The following NEK7 variants were observed in gnomAD, a reference collection of about 807,000 sequenced individuals.
NEK7 encodes NIMA related kinase 7.
NEK7 carries 18 observed loss-of-function variants against 44.6 expected under a neutral mutation model. That is an observed-to-expected ratio of 0.40 (90% CI 0.28 to 0.60). The LOEUF (loss-of-function observed/expected upper bound fraction) is 0.60, where lower values mean the gene tolerates loss of function less well. Ranked by LOEUF, NEK7 falls within the 20% of genes least tolerant of loss-of-function variation. The pLI, the probability that NEK7 is intolerant of heterozygous loss-of-function variation, is 0.38. For missense variants in NEK7, 256 were observed against 366.5 expected (o/e 0.70, Z 2.46); for synonymous variants, 130 against 121.1 (o/e 1.07, Z -0.48).
Position 198,319,545 on chromosome 1 carries a change from TA to T in NEK7, c.*25del. 6.3e-7 allele frequency: 1 copy of T among 1,579,502 alleles called. No homozygotes were observed. Among genetic ancestry groups the T allele is most frequent in the Middle Eastern group, 1.7e-4 (1 of 5,904 alleles). On this transcript the variant is annotated 3_prime_UTR_variant, in exon 10 of 10. Transcript: ENST00000367385. ...TAAACATGCAAGATCATGAAGAGTG[TA>T]ACCAAAGTAATTGAAAGTATTTTGT...
At chr1:198,186,198 T>C (rs1347578994) in intron 1 of NEK7, among the ~76,000 whole-genome samples, 1 of 152,240 alleles carries the variant, frequency 6.6e-6, no homozygotes, top group Non-Finnish European at 1.5e-5. Flanking sequence ...CTTTAGCTAC[T>C]GAAATATTTC....
intron 2 of NEK7, among the ~76,000 whole-genome samples, chr1:198,249,426 A>G (rs936225648): frequency 3.0e-4 from 46 of 151,742 alleles, no homozygotes; most frequent in African/African-American, 1.1e-3. Flanking sequence ...TGGCTGGGTC[A>G]AATGGTATTT....
rs543354590 is a variant in NEK7, at chr1:198,321,450, G to A, written c.*1928G>A. On this transcript the variant is annotated 3_prime_UTR_variant, in exon 10 of 10. Transcript: ENST00000367385. ...CATTTTAATGTAATATAATTGAGAT[G>A]AAATGTTCTCTGGTTGGAACAGATA... 6.6e-5 allele frequency: 10 copies of A among 152,198 alleles called. No homozygotes were observed. The South Asian group carries it at 2.1e-3, about 32-fold the overall frequency. 9.4% of individuals were successfully genotyped at this position (152,198 alleles called of 1,614,324 possible).
chr1:198,230,612 G>A (rs185399111), intron 1 of NEK7, among the ~76,000 whole-genome samples: 1 of 151,860 alleles, frequency 6.6e-6, no homozygotes, highest in Non-Finnish European at 1.5e-5. Flanking sequence ...CTAAGATTAG[G>A]AAAAAGGAAA....
At chr1:198,309,696 T>G (rs1199178698) in intron 9 of NEK7, among the ~76,000 whole-genome samples, 10 of 151,940 alleles carry the variant, frequency 6.6e-5, no homozygotes, top group Admixed American at 2.6e-4. Flanking sequence ...ATGCGGTGTT[T>G]GGTTTTTTGT....
Position 198,210,741 on chromosome 1 carries a change from C to CTTTTTTTTTTTTTTTTT in NEK7, c.-28-21799_-28-21783dup, listed in dbSNP as rs140181207. The stretch of plus-strand genomic sequence containing the variant: ...GTCATTGTCCCTTCAATTTGTATTT[C>CTTTTTTTTTTTTTTTTT]TTTTTTTTTTTTTTTTTTTTTTTTT... On this transcript the variant is annotated intron_variant, in intron 1 of 9. Transcript: ENST00000367385. 1.7e-4 allele frequency among the ~76,000 whole-genome samples: 10 copies of CTTTTTTTTTTTTTTTTT among 57,536 alleles called. 1 individual carries two copies. The highest frequency in any genetic ancestry group is 2.1e-4 in the Admixed American group (1 of 4,692). The allele number at this position is 57,536 out of a possible 152,430, so 37.7% of individuals were successfully genotyped here. A position where few individuals can be genotyped will look rare whatever the true frequency, so the allele number is the denominator to read the frequency against.
intron 2 of NEK7, among the ~76,000 whole-genome samples, chr1:198,240,135 A>G (rs1207926636): frequency 6.6e-6 from 1 of 152,230 alleles, no homozygotes; most frequent in Admixed American, 6.5e-5. Context: ...CAGTTATTCT[A>G]GAGTTATTTT....
chr1:198,259,322 C>T (rs973964054), intron 3 of NEK7, among the ~76,000 whole-genome samples: 2 of 152,064 alleles, frequency 1.3e-5, no homozygotes, highest in Admixed American at 6.6e-5. Flanking sequence ...TGTTCCACAT[C>T]ATAGAGACAT....
At chr1:198,304,939 CA>C in intron 9 of NEK7, among the ~76,000 whole-genome samples, 1 of 152,200 alleles carries the variant, frequency 6.6e-6, no homozygotes, top group African/African-American at 2.4e-5. Context: ...CTGAATTAAA[CA>C]GTTTTCTCTG....
At chr1:198,199,193 A>T (rs1360050430) in intron 1 of NEK7, among the ~76,000 whole-genome samples, 2 of 152,264 alleles carry the variant, frequency 1.3e-5, no homozygotes, top group Non-Finnish European at 2.9e-5. Context: ...CAAGATGGAT[A>T]GAAGAACCTG....
intron 5 of NEK7, among the ~76,000 whole-genome samples, chr1:198,267,469 A>T (rs977055167): frequency 2.6e-5 from 4 of 151,954 alleles, no homozygotes; most frequent in African/African-American, 9.7e-5. Context: ...TTTGAGATGG[A>T]ATCTCACTCT....
At chr1:198,255,256 C>A (rs774821981) in intron 3 of NEK7, among the ~76,000 whole-genome samples, 3 of 152,186 alleles carry the variant, frequency 2.0e-5, no homozygotes, top group South Asian at 2.1e-4. Flanking sequence ...TCTTCAAAAT[C>A]CATTATTTTC....
chr1:198,200,628 G>A (rs1043841442), intron 1 of NEK7, among the ~76,000 whole-genome samples: 1 of 150,104 alleles, frequency 6.7e-6, no homozygotes, highest in East Asian at 1.9e-4. Context: ...TTGGCTAACT[G>A]CAACCTCTGC....
intron 1 of NEK7, among the ~76,000 whole-genome samples, chr1:198,226,574 A>G (rs745638369): frequency 7.3e-5 from 11 of 151,614 alleles, no homozygotes; most frequent in Non-Finnish European, 2.9e-5. Flanking sequence ...TACACATGGA[A>G]TTATGTTAAA....
intron 9 of NEK7, among the ~76,000 whole-genome samples, chr1:198,301,640 G>A (rs1654888812): frequency 6.6e-6 from 1 of 152,192 alleles, no homozygotes; most frequent in African/African-American, 2.4e-5. Context: ...TTGAGTACAG[G>A]GTTTGCAGAT....
intron 2 of NEK7, among the ~76,000 whole-genome samples, chr1:198,245,605 A>C (rs1052793795): frequency 1.3e-5 from 2 of 152,208 alleles, no homozygotes; most frequent in Admixed American, 6.5e-5. Flanking sequence ...CTTGGGAAAT[A>C]CATGGTGCAG....
intron 9 of NEK7, among the ~76,000 whole-genome samples, chr1:198,316,671 T>A (rs1655379436): frequency 6.6e-6 from 1 of 152,224 alleles, no homozygotes; most frequent in Non-Finnish European, 1.5e-5. Flanking sequence ...TCCGCTAGAT[T>A]GTAGGCTGTT....
chr1:198,271,031 T>C (rs956086857), intron 5 of NEK7, among the ~76,000 whole-genome samples: 3 of 152,022 alleles, frequency 2.0e-5, no homozygotes, highest in African/African-American at 7.2e-5. Context: ...GGGGGTATCC[T>C]TAGGTTCTTG....
chr1:198,297,007 G>A (rs548326362), intron 8 of NEK7, 120 bp from the exon 9 acceptor site: 43 of 606,392 alleles, frequency 7.1e-5, no homozygotes, highest in Middle Eastern at 2.9e-4. Flanking sequence ...AAATCAAAAT[G>A]CCCAGGTATC....
Sources: gnomAD v4.1 joint callset for allele counts (sites outside exome capture counted in the v4.1 genomes callset) on GRCh38, gnomAD v4.1.1 for gene constraint, MANE v1.5 for transcripts, NCBI Gene and HGNC (gene_info 2026-07-23, HGNC 2026-07-21) for gene names.